PRKG1: variants seen among roughly 807,000 people sequenced by gnomAD.
The protein encoded by PRKG1 is protein kinase cGMP-dependent 1.
In PRKG1, 35 loss-of-function variants were observed where a neutral mutation model predicts 88.1. That is an observed-to-expected ratio of 0.40 (90% CI 0.30 to 0.53). PRKG1 has a LOEUF of 0.53. PRKG1 is among the 20% of genes least tolerant of loss of function. PRKG1 has a pLI of 0.59. For synonymous variants in PRKG1, 303 were observed against 292.5 expected (o/e 1.04, Z -0.37); for missense variants, 540 against 839.8 (o/e 0.64, Z 4.41).
chr10:51,763,894 C>A (rs1838089443), intron 3 of PRKG1, among the ~76,000 whole-genome samples: 1 of 152,120 alleles, frequency 6.6e-6, no homozygotes, highest in South Asian at 2.1e-4. Context: ...TAGCTTAGAT[C>A]TCTCTCCTTT....
At chr10:51,897,882 G>A (rs1403234400) in intron 4 of PRKG1, among the ~76,000 whole-genome samples, 4 of 149,580 alleles carry the variant, frequency 2.7e-5, no homozygotes, top group Admixed American at 2.6e-4. Context: ...TTTTTTTCAT[G>A]TGTAAATAAG....
chr10:51,537,073 A>C (rs1271682033), intron 3 of PRKG1, among the ~76,000 whole-genome samples: 3 of 152,146 alleles, frequency 2.0e-5, no homozygotes, highest in African/African-American at 7.2e-5. Flanking sequence ...CTCTTCCTGC[A>C]TAGTAAGTTT....
chr10:52,244,827 TATAC>T (rs1840974661), intron 9 of PRKG1, among the ~76,000 whole-genome samples: 4 of 84,870 alleles, frequency 4.7e-5, no homozygotes, highest in African/African-American at 3.3e-5. Context: ...TATATTTAAA[TATAC>T]TTTAATATAT....
At chr10:51,585,917 T>C (rs749401871) in intron 3 of PRKG1, among the ~76,000 whole-genome samples, 3 of 152,026 alleles carry the variant, frequency 2.0e-5, no homozygotes, top group African/African-American at 4.8e-5. Flanking sequence ...GAGATAAACA[T>C]GATAAACGGG....
At chr10:51,722,813 A>G (rs905939593) in intron 3 of PRKG1, among the ~76,000 whole-genome samples, 10 of 152,248 alleles carry the variant, frequency 6.6e-5, no homozygotes, top group African/African-American at 2.4e-4. Flanking sequence ...ATTTATAGAT[A>G]CAAGAGAGAG....
At chr10:51,945,552 G>A (rs1450967723) in intron 5 of PRKG1, among the ~76,000 whole-genome samples, 4 of 152,006 alleles carry the variant, frequency 2.6e-5, no homozygotes, top group Admixed American at 6.6e-5. Context: ...TCCTAGCCTC[G>A]ATGGTCTTTA....
At chr10:51,977,739 TC>T (rs1381100129) in intron 5 of PRKG1, among the ~76,000 whole-genome samples, 1 of 152,114 alleles carries the variant, frequency 6.6e-6, no homozygotes, top group African/African-American at 2.4e-5. Flanking sequence ...AGCTTTTTTT[TC>T]ATATGCTTAT....
At chr10:51,809,979 T>C (rs949699630) in intron 4 of PRKG1, among the ~76,000 whole-genome samples, 4 of 152,104 alleles carry the variant, frequency 2.6e-5, no homozygotes, top group African/African-American at 9.7e-5. Context: ...CCCCTCTTAA[T>C]AAAGATTATC....
chr10:51,605,795 A>G (rs1838748965), intron 3 of PRKG1, among the ~76,000 whole-genome samples: 1 of 152,196 alleles, frequency 6.6e-6, no homozygotes, highest in Admixed American at 6.5e-5. Context: ...TGGGGGAGCC[A>G]ATAGAGTATA....
intron 1 of PRKG1, among the ~76,000 whole-genome samples, chr10:51,150,872 A>G (rs920789592): frequency 6.6e-6 from 1 of 152,046 alleles, no homozygotes; most frequent in African/African-American, 2.4e-5. Flanking sequence ...TCTTCATCAA[A>G]CAGATTAATA....
intron 3 of PRKG1, among the ~76,000 whole-genome samples, chr10:51,631,385 A>C (rs1048469435): frequency 6.6e-6 from 1 of 152,200 alleles, no homozygotes; most frequent in African/African-American, 2.4e-5. Context: ...TGGGCCATGC[A>C]TGGACTAAAA....
At chr10:51,281,521 T>G (rs1179219155) in intron 2 of PRKG1, among the ~76,000 whole-genome samples, 2 of 152,148 alleles carry the variant, frequency 1.3e-5, no homozygotes, top group African/African-American at 2.4e-5. Flanking sequence ...TGCCCGCCAT[T>G]GCTCAGGCTT....
intron 10 of PRKG1, among the ~76,000 whole-genome samples, chr10:52,269,398 T>A (rs1245237111): frequency 6.6e-6 from 1 of 152,100 alleles, no homozygotes; most frequent in Non-Finnish European, 1.5e-5. Context: ...GTTAAAAGCA[T>A]TTTCAAATAC....
chr10:51,317,732 A>T (rs575195964), intron 2 of PRKG1, among the ~76,000 whole-genome samples: 1 of 152,298 alleles, frequency 6.6e-6, no homozygotes, highest in East Asian at 1.9e-4. Flanking sequence ...TCCTGTCACC[A>T]TGCTCTCAAC....
chr10:52,096,498 T>C (rs1847176341), intron 7 of PRKG1, among the ~76,000 whole-genome samples: 2 of 152,214 alleles, frequency 1.3e-5, no homozygotes, highest in Non-Finnish European at 2.9e-5. Context: ...CTCTGCTTTG[T>C]TGCATTTCCA....
At chr10:51,408,639 G>A (rs564813463) in intron 2 of PRKG1, among the ~76,000 whole-genome samples, 1 of 152,306 alleles carries the variant, frequency 6.6e-6, no homozygotes, top group African/African-American at 2.4e-5. Context: ...CTCTGCTGCT[G>A]GCAAATTGGG....
intron 1 of PRKG1, among the ~76,000 whole-genome samples, chr10:51,015,902 A>G (rs1359564919): frequency 1.3e-5 from 2 of 152,122 alleles, no homozygotes; most frequent in South Asian, 2.1e-4. Flanking sequence ...AAAAGAAAAA[A>G]AAGAGATAGA....
At chr10:51,336,166 A>T (rs1841870737) in intron 2 of PRKG1, among the ~76,000 whole-genome samples, 1 of 152,050 alleles carries the variant, frequency 6.6e-6, no homozygotes, top group Admixed American at 6.6e-5. Context: ...CAGCCTGGCC[A>T]ACATGGAGAA....
At chr10:51,629,556 A>G (rs1182477061) in intron 3 of PRKG1, among the ~76,000 whole-genome samples, 1 of 151,998 alleles carries the variant, frequency 6.6e-6, no homozygotes, top group Non-Finnish European at 1.5e-5. Context: ...ACCCTGCTTC[A>G]CAAACATAAG....
Sources: gnomAD v4.1 joint callset for allele counts (sites outside exome capture counted in the v4.1 genomes callset) on GRCh38, gnomAD v4.1.1 for gene constraint, MANE v1.5 for transcripts, NCBI Gene and HGNC (gene_info 2026-07-23, HGNC 2026-07-21) for gene names.